The following ABCA13 variants were observed in gnomAD, a reference collection of about 807,000 sequenced individuals.
The protein encoded by ABCA13 is ATP-binding cassette sub-family A member 13.
Under a neutral mutation model 478.7 loss-of-function variants are expected in ABCA13, and 476 were observed. The ratio of observed to expected loss-of-function variants is 0.99; its 90% confidence interval spans 0.92 to 1.07. The LOEUF is 1.07. Among genes scored for constraint, ABCA13 ranks in the 50% least tolerant of loss-of-function variants. ABCA13 has a pLI of 0.00. For synonymous variants in ABCA13, 2,252 were observed against 2,158.9 expected (o/e 1.04, Z -1.20); for missense variants, 6,060 against 5,910.6 (o/e 1.03, Z -0.83).
chr7:48,398,232 C>T (rs1308399903), intron 38 of ABCA13, among the ~76,000 whole-genome samples: 1 of 152,190 alleles, frequency 6.6e-6, no homozygotes, highest in African/African-American at 2.4e-5. Flanking sequence ...TGCATCTACC[C>T]TAGACCACAG....
chr7:48,447,345 C>T (rs781687251), intron 42 of ABCA13, among the ~76,000 whole-genome samples: 3 of 152,170 alleles, frequency 2.0e-5, no homozygotes, highest in African/African-American at 4.8e-5. Flanking sequence ...CTGGCTCCTT[C>T]AATTCCATCT....
intron 1 of ABCA13, among the ~76,000 whole-genome samples, chr7:48,187,466 G>A (rs969834131): frequency 7.3e-5 from 11 of 151,724 alleles, no homozygotes; most frequent in East Asian, 5.8e-4. Flanking sequence ...GAGGAATATC[G>A]TCAAAAAATA....
Position 48,275,623 on chromosome 7 carries a change from T to C in ABCA13, c.5957T>C (p.Ile1986Thr), listed in dbSNP as rs2128760510. 4 of 1,608,138 alleles carry C rather than the reference T, an allele frequency of 2.5e-6. No individual in the cohort carries two copies. The South Asian group carries it at 4.4e-5, about 18-fold the overall frequency. The change falls in exon 17 of 62, where the codon ATT becomes ACT. Residue 1986 changes from isoleucine to threonine, a missense_variant. Physicochemically the swap from Ile to Thr is moderately conservative, Grantham distance 89. Coordinates refer to ENST00000435803, the MANE Select transcript of ABCA13 (RefSeq NM_152701.5). ...AGTAGTTTAAACAAGATCCTTAACA[T>C]TAATGAAGACACAGAGACATCTGTT... is the stretch of plus-strand genomic sequence containing the variant. ...KLSSLNKILN[I>T]NEDTETSVQN...
chr7:48,464,150 A>C (rs1447543578), intron 43 of ABCA13, among the ~76,000 whole-genome samples: 3 of 152,266 alleles, frequency 2.0e-5, no homozygotes, highest in African/African-American at 7.2e-5. Context: ...GACAGATGTC[A>C]AATGTTTCTA....
Position 48,258,675 on chromosome 7 carries a change from G to T in ABCA13, c.2005+9324G>T, listed in dbSNP as rs116730039. 2.1e-3 allele frequency among the ~76,000 whole-genome samples: 322 copies of T among 152,078 alleles called. 2 individuals are homozygous for T. The highest frequency in any genetic ancestry group is 7.3e-3 in the African/African-American group (305 of 41,502). On this transcript the variant is annotated intron_variant, in intron 15 of 61. Coordinates refer to ENST00000435803, the MANE Select transcript of ABCA13 (RefSeq NM_152701.5). ...GTGCAGAAGGGGTTGGTTTGCTCTT[G>T]TTTGTCTAGTTCCTGTAGGTGTGAT... is the stretch of plus-strand genomic sequence containing the variant.
intron 55 of ABCA13, among the ~76,000 whole-genome samples, chr7:48,570,103 G>A (rs1303950287): frequency 6.6e-6 from 1 of 151,860 alleles, no homozygotes; most frequent in African/African-American, 2.4e-5. Context: ...CTTTAATGCT[G>A]TCAGCATTTG....
chr7:48,545,110 A>G (rs981697685), intron 55 of ABCA13, among the ~76,000 whole-genome samples: 2 of 151,804 alleles, frequency 1.3e-5, no homozygotes, highest in Admixed American at 6.6e-5. Flanking sequence ...GGGGCAAAGC[A>G]TATGTAAATT....
At chr7:48,230,464 C>T (rs17661073) in intron 7 of ABCA13, among the ~76,000 whole-genome samples, 137,951 of 152,232 alleles carry the variant, frequency 0.91, 62,605 homozygotes, top group African/African-American at 0.96. Context: ...GAATTACCAA[C>T]TGAGTCTGAG....
intron 37 of ABCA13, among the ~76,000 whole-genome samples, chr7:48,391,648 T>G (rs978229553): frequency 6.6e-6 from 1 of 152,172 alleles, no homozygotes; most frequent in East Asian, 1.9e-4. Context: ...ATTTTCAACT[T>G]TTTATGGGTT....
chr7:48,175,377 G>A (rs1794700593), intron 1 of ABCA13, among the ~76,000 whole-genome samples: 4 of 151,904 alleles, frequency 2.6e-5, no homozygotes, highest in Admixed American at 2.6e-4. Context: ...TTTGTGTTGG[G>A]GACATTCAAT....
intron 42 of ABCA13, among the ~76,000 whole-genome samples, chr7:48,453,589 G>C (rs936238809): frequency 2.0e-5 from 3 of 152,142 alleles, no homozygotes; most frequent in Non-Finnish European, 4.4e-5. Flanking sequence ...GCTATTCACA[G>C]AGAATGCCAG....
chr7:48,332,132 T>C (rs1805504954), intron 27 of ABCA13, among the ~76,000 whole-genome samples: 1 of 152,248 alleles, frequency 6.6e-6, no homozygotes, highest in Non-Finnish European at 1.5e-5. Context: ...ACAGTTTCTT[T>C]AACCATTTAC....
chr7:48,367,933 G>A, intron 32 of ABCA13, 25 bp downstream of exon 32: 1 of 1,529,824 alleles, frequency 6.5e-7, no homozygotes, highest in Non-Finnish European at 8.9e-7. Context: ...ACCTTGCCTG[G>A]GAGACAAAGA....
chr7:48,202,983 C>T (rs1799021555), intron 3 of ABCA13, among the ~76,000 whole-genome samples: 1 of 152,210 alleles, frequency 6.6e-6, no homozygotes, highest in South Asian at 2.1e-4. Flanking sequence ...GTCGGGGAGG[C>T]TTGGGCTGCA....
At chr7:48,626,507 G>GT (rs1021388009) in intron 59 of ABCA13, 16 of 588,590 alleles carry the variant, frequency 2.7e-5, no homozygotes, top group Admixed American at 1.3e-4. Flanking sequence ...TAATTCTAAG[G>GT]TAAAAAAAAG....
chr7:48,577,470 T>A (rs1451551306), intron 55 of ABCA13, among the ~76,000 whole-genome samples: 1 of 152,116 alleles, frequency 6.6e-6, no homozygotes, highest in East Asian at 1.9e-4. Flanking sequence ...TATGCCCACA[T>A]CTTTGATAAC....
In ABCA13 at chr7:48,275,201, G is replaced by A. The variant is rs13233225; in HGVS notation, c.5535G>A (p.Gly1845=). Reference sequence around the variant, plus strand: ...AGATAGACCCCTGCAATGTCCATGGGCTCATGTCTTCTTCCTTTTATGGCA... The same window carrying A: ...AGATAGACCCCTGCAATGTCCATGGACTCATGTCTTCTTCCTTTTATGGCA... The part of the protein sequence containing the change: ...NSKIDPCNVH[G]LMSSSFYGKV... Residue 1845 remains glycine, a synonymous_variant, in exon 17 of 62, where the codon GGG becomes GGA. Coordinates refer to ENST00000435803, the MANE Select transcript of ABCA13 (RefSeq NM_152701.5). 1 of 1,613,590 alleles carries A rather than the reference G, an allele frequency of 6.2e-7. No individual in the cohort carries two copies. Among genetic ancestry groups the A allele is most frequent in the Non-Finnish European group, 8.5e-7 (1 of 1,179,778 alleles).
intron 42 of ABCA13, among the ~76,000 whole-genome samples, chr7:48,444,857 A>G (rs1824075026): frequency 6.6e-6 from 1 of 152,132 alleles, no homozygotes; most frequent in South Asian, 2.1e-4. Context: ...GTCTTAGAGA[A>G]TATTGCTGCT....
At chr7:48,329,162 C>G (rs1804799222) in intron 27 of ABCA13, among the ~76,000 whole-genome samples, 1 of 152,116 alleles carries the variant, frequency 6.6e-6, no homozygotes, top group Non-Finnish European at 1.5e-5. Flanking sequence ...TGAAGAAAAA[C>G]AGAATACCAA....
Sources: allele counts gnomAD v4.1 joint callset (sites outside exome capture counted in the v4.1 genomes callset), GRCh38; gene constraint gnomAD v4.1.1; transcripts MANE v1.5; gene names NCBI Gene and HGNC (gene_info 2026-07-23, HGNC 2026-07-21).